Variants in WDR7 observed in about 807,000 individuals in gnomAD.
The protein encoded by WDR7 is WD repeat-containing protein 7.
In WDR7, 46 loss-of-function variants were observed where a neutral mutation model predicts 169.4. That is an observed-to-expected ratio of 0.27 (90% CI 0.21 to 0.35). The LOEUF (loss-of-function observed/expected upper bound fraction) is 0.35, where lower values mean the gene tolerates loss of function less well. WDR7 is among the 10% of genes least tolerant of loss of function. The pLI, the probability that WDR7 is intolerant of heterozygous loss-of-function variation, is 1.00. For synonymous variants in WDR7, 612 were observed against 666.8 expected (o/e 0.92, Z 1.27); for missense variants, 1,534 against 1,859.3 (o/e 0.83, Z 3.22).
intron 25 of WDR7, among the ~76,000 whole-genome samples, chr18:56,959,846 T>G (rs574877603): frequency 1.3e-5 from 2 of 152,124 alleles, no homozygotes; most frequent in Non-Finnish European, 2.9e-5. Flanking sequence ...CTTACCATCC[T>G]TCGTCTTGAC....
At chr18:56,808,223 C>T (rs1320370306) in intron 19 of WDR7, among the ~76,000 whole-genome samples, 1 of 152,110 alleles carries the variant, frequency 6.6e-6, no homozygotes, top group African/African-American at 2.4e-5. Flanking sequence ...TAAATTCAGG[C>T]CTTCTGCCTG....
chr18:56,955,199 A>C (rs938527683), intron 25 of WDR7, among the ~76,000 whole-genome samples: 1 of 152,148 alleles, frequency 6.6e-6, no homozygotes, highest in African/African-American at 2.4e-5. Context: ...ATAATTATAG[A>C]TGTTACTTCT....
At chr18:57,020,888 C>CA in intron 27 of WDR7, 39 bp downstream of exon 27, 1 of 1,578,552 alleles carries the variant, frequency 6.3e-7, no homozygotes, top group Non-Finnish European at 8.7e-7. Context: ...GCATATACTG[C>CA]GTGATATGCC....
chr18:56,967,873 T>C (rs2047432820), intron 26 of WDR7, among the ~76,000 whole-genome samples: 1 of 152,188 alleles, frequency 6.6e-6, no homozygotes, highest in Admixed American at 6.5e-5. Context: ...TCTAATACTA[T>C]GTAAATGTTA....
intron 16 of WDR7, among the ~76,000 whole-genome samples, chr18:56,764,205 A>G (rs2044026567): frequency 1.3e-5 from 2 of 152,134 alleles, no homozygotes. Context: ...TTTTAGTGGC[A>G]TTACACACAC....
chr18:56,716,832 G>A (rs968794218), intron 12 of WDR7, among the ~76,000 whole-genome samples: 13 of 152,152 alleles, frequency 8.5e-5, no homozygotes, highest in African/African-American at 2.9e-4. Context: ...AAAAACAACA[G>A]CTACTACCCA....
chr18:56,945,093 C>T (rs537398151), intron 25 of WDR7, among the ~76,000 whole-genome samples: 1 of 152,088 alleles, frequency 6.6e-6, no homozygotes, highest in South Asian at 2.1e-4. Context: ...ATCCACTTAC[C>T]CTGTTCCGTA....
At chr18:56,853,734 T>C (rs1231543467) in intron 20 of WDR7, among the ~76,000 whole-genome samples, 1 of 152,220 alleles carries the variant, frequency 6.6e-6, no homozygotes. Flanking sequence ...TTTTGTCTCA[T>C]ATATTGGTAT....
rs1355746998 is a variant in WDR7, at chr18:56,997,634, G to A, written c.4165-23111G>A. On this transcript the variant is annotated intron_variant, in intron 26 of 27. Coordinates refer to ENST00000254442, the MANE Select transcript of WDR7 (RefSeq NM_015285.3). Reference sequence around the variant, plus strand: ...GATATAACCTACAGCTTTTTTTAAAGCCTTTGAAAATTATTCACTCCTTGT... The same window carrying A: ...GATATAACCTACAGCTTTTTTTAAAACCTTTGAAAATTATTCACTCCTTGT... 4.6e-5 allele frequency among the ~76,000 whole-genome samples: 7 copies of A among 152,228 alleles called. No homozygotes were observed. The East Asian group carries it at 1.3e-3, about 29-fold the overall frequency.
At position 56,669,257 on chromosome 18, in the gene WDR7, G is replaced by T. The variant is rs963234513; in HGVS notation, c.-19-3240G>T. On this transcript the variant is annotated intron_variant, in intron 1 of 27. Transcript: ENST00000254442. ...ATACCTGAAATTAATCAAAAGAGAT[G>T]ACTGAAATTTTATCTCTAAGATGCC... Among the ~76,000 whole-genome samples, 104 of 152,112 alleles carry T rather than the reference G, an allele frequency of 6.8e-4. 2 individuals carry two copies. Among genetic ancestry groups the T allele is most frequent in the Admixed American group, 6.7e-3 (103 of 15,264 alleles).
At chr18:56,655,365 C>G (rs1372441046) in intron 1 of WDR7, among the ~76,000 whole-genome samples, 1 of 152,154 alleles carries the variant, frequency 6.6e-6, no homozygotes, top group African/African-American at 2.4e-5. Context: ...TTGACCATGC[C>G]CGTAGTCCCA....
chr18:56,825,646 T>G (rs1185736833), intron 20 of WDR7, among the ~76,000 whole-genome samples: 3 of 152,242 alleles, frequency 2.0e-5, no homozygotes, highest in African/African-American at 7.2e-5. Context: ...TCAAGTCATT[T>G]ATAAACCTTA....
intron 1 of WDR7, among the ~76,000 whole-genome samples, chr18:56,656,790 A>G (rs1394490000): frequency 1.3e-5 from 2 of 152,186 alleles, no homozygotes; most frequent in African/African-American, 4.8e-5. Context: ...AAACAATACC[A>G]GTAGAACTTT....
At chr18:56,709,027 A>G (rs2026025309) in intron 12 of WDR7, among the ~76,000 whole-genome samples, 1 of 152,168 alleles carries the variant, frequency 6.6e-6, no homozygotes, top group African/African-American at 2.4e-5. Flanking sequence ...CCATAAATAT[A>G]TAAGTGAAAT....
chr18:56,685,461 C>T (rs2025425407), intron 5 of WDR7, among the ~76,000 whole-genome samples: 1 of 152,166 alleles, frequency 6.6e-6, no homozygotes, highest in Non-Finnish European at 1.5e-5. Context: ...TGTCACTAGT[C>T]CCTTACCTGA....
At chr18:56,825,383 A>T (rs2045182671) in intron 20 of WDR7, among the ~76,000 whole-genome samples, 1 of 152,236 alleles carries the variant, frequency 6.6e-6, no homozygotes, top group Non-Finnish European at 1.5e-5. Flanking sequence ...AGTAATAACT[A>T]TCTCAATGAC....
At chr18:56,773,735 T>G (rs2044199571) in intron 16 of WDR7, among the ~76,000 whole-genome samples, 1 of 152,110 alleles carries the variant, frequency 6.6e-6, no homozygotes, top group Admixed American at 6.6e-5. Flanking sequence ...ACCTAAAACA[T>G]AAAAGTATTG....
At chr18:56,793,251 A>C (rs775110508) in intron 19 of WDR7, among the ~76,000 whole-genome samples, 2 of 152,180 alleles carry the variant, frequency 1.3e-5, no homozygotes, top group Non-Finnish European at 2.9e-5. Flanking sequence ...TTGGCCAACT[A>C]TCTGGTTTTA....
intron 21 of WDR7, among the ~76,000 whole-genome samples, chr18:56,912,592 T>C (rs1243611220): frequency 6.6e-6 from 1 of 152,216 alleles, no homozygotes; most frequent in Non-Finnish European, 1.5e-5. Flanking sequence ...TTTTGTGAGG[T>C]TACCATTGGC....
Sources: gnomAD v4.1 joint callset for allele counts (sites outside exome capture counted in the v4.1 genomes callset) on GRCh38, gnomAD v4.1.1 for gene constraint, MANE v1.5 for transcripts, NCBI Gene and HGNC (gene_info 2026-07-23, HGNC 2026-07-21) for gene names.